Variants in SYTL5 observed in about 807,000 individuals in gnomAD.
The protein encoded by SYTL5 is synaptotagmin like 5.
In SYTL5, 34 loss-of-function variants were observed where a neutral mutation model predicts 55.9. The ratio of observed to expected loss-of-function variants is 0.61; its 90% CI spans 0.46 to 0.81. The LOEUF (loss-of-function observed/expected upper bound fraction) is 0.81. Ranked by LOEUF, SYTL5 falls within the 30% of genes least tolerant of loss-of-function variation. SYTL5 has a pLI of 0.00. For synonymous variants in SYTL5, 221 were observed against 188.7 expected (o/e 1.17, Z -1.40); for missense variants, 637 against 546.7 (o/e 1.17, Z -1.65).
the SYTL5 span, among the ~76,000 whole-genome samples, chrX:37,992,677 G>A: frequency 8.9e-6 from 1 of 112,477 alleles, no homozygotes; most frequent in Non-Finnish European, 1.9e-5. Flanking sequence ...GCTTCCCCAA[G>A]GTGCAGTGGT....
the SYTL5 span, among the ~76,000 whole-genome samples, chrX:37,972,436 C>T: frequency 1.8e-5 from 2 of 111,336 alleles, no homozygotes; most frequent in African/African-American, 6.5e-5. Flanking sequence ...TCACCAGTTC[C>T]ACTGGAGGAG....
At chrX:38,011,283 T>C (rs768576150) in intron 1 of SYTL5, among the ~76,000 whole-genome samples, 6 of 112,421 alleles carry the variant, frequency 5.3e-5, no homozygotes, top group Non-Finnish European at 1.1e-4. Context: ...TTATTCTGTA[T>C]TTGAGCATCA....
chrX:38,091,772 C>T (rs909603345), intron 7 of SYTL5, among the ~76,000 whole-genome samples: 4 of 111,846 alleles, frequency 3.6e-5, no homozygotes, highest in Admixed American at 9.5e-5. Flanking sequence ...TATCTTTCTA[C>T]GTACAATTTG....
chrX:38,043,311 C>T (rs1935339968), intron 2 of SYTL5, among the ~76,000 whole-genome samples: 1 of 109,491 alleles, frequency 9.1e-6, no homozygotes, highest in South Asian at 3.9e-4. Context: ...TAAAGTCTCA[C>T]ATAGAATTCC....
chrX:38,119,546 G>A (rs1440573651), intron 13 of SYTL5, among the ~76,000 whole-genome samples: 9 of 111,967 alleles, frequency 8.0e-5, no homozygotes, highest in Non-Finnish European at 1.3e-4. Flanking sequence ...GTATTCCATC[G>A]TATGAATGTA....
intron 1 of SYTL5, among the ~76,000 whole-genome samples, chrX:38,022,252 TAC>T (rs1158016385): frequency 1.5e-4 from 17 of 112,464 alleles, no homozygotes; most frequent in Non-Finnish European, 2.8e-4. Flanking sequence ...TCCCAACTGA[TAC>T]AGTGTTACTG....
intron 3 of SYTL5, among the ~76,000 whole-genome samples, chrX:38,064,199 T>C (rs979078310): frequency 7.2e-5 from 8 of 111,229 alleles, no homozygotes; most frequent in African/African-American, 2.3e-4. Context: ...AGATTGTGCA[T>C]CTGGGAATGA....
chrX:37,896,716 C>G, the SYTL5 span, among the ~76,000 whole-genome samples: 1 of 111,932 alleles, frequency 8.9e-6, no homozygotes, highest in Admixed American at 9.5e-5. Flanking sequence ...ATCTTGTCAC[C>G]AGCTGACCTC....
At chrX:38,063,396 A>G (rs187389058) in intron 3 of SYTL5, among the ~76,000 whole-genome samples, 23 of 111,963 alleles carry the variant, frequency 2.1e-4, no homozygotes, top group African/African-American at 7.4e-4. Flanking sequence ...TGAGGTGTTC[A>G]CTATGAGTAT....
intron 13 of SYTL5, among the ~76,000 whole-genome samples, chrX:38,116,383 T>C (rs1317352077): frequency 1.8e-5 from 2 of 112,460 alleles, no homozygotes; most frequent in East Asian, 2.8e-4. Context: ...ACCAAATAAA[T>C]GTACGTTCAT....
the SYTL5 span, among the ~76,000 whole-genome samples, chrX:37,975,536 T>G: frequency 4.5e-5 from 5 of 111,995 alleles, no homozygotes; most frequent in Middle Eastern, 4.6e-3. Flanking sequence ...ACATGTATAT[T>G]GGTTGCCATG....
upstream of SYTL5, among the ~76,000 whole-genome samples, chrX:38,004,994 A>G (rs1310734925): frequency 9.0e-6 from 1 of 111,547 alleles, no homozygotes; most frequent in Non-Finnish European, 1.9e-5. Flanking sequence ...CCCTGATGTG[A>G]TCTTTATATA....
chrX:38,117,516 T>C (rs1398169601), intron 13 of SYTL5, among the ~76,000 whole-genome samples: 2 of 112,237 alleles, frequency 1.8e-5, no homozygotes, highest in Non-Finnish European at 3.8e-5. Context: ...GGTTAACTAT[T>C]GCTGTATGCC....
chrX:37,988,054 G>T, the SYTL5 span, among the ~76,000 whole-genome samples: 1 of 112,058 alleles, frequency 8.9e-6, no homozygotes, highest in Non-Finnish European at 1.9e-5. Context: ...TATGGAAAAA[G>T]AGAATTCACA....
the SYTL5 span, among the ~76,000 whole-genome samples, chrX:37,940,443 T>C: frequency 2.0e-5 from 2 of 100,436 alleles, no homozygotes; most frequent in African/African-American, 3.7e-5. Flanking sequence ...ATCGCGCCAC[T>C]GCACTCCAGC....
At chrX:37,917,137 C>T in the SYTL5 span, among the ~76,000 whole-genome samples, 4 of 111,212 alleles carry the variant, frequency 3.6e-5, no homozygotes, top group African/African-American at 1.3e-4. Flanking sequence ...ATACTATCAA[C>T]ATAACTTATC....
At chrX:38,016,487 T>C (rs1244934427) in intron 1 of SYTL5, among the ~76,000 whole-genome samples, 1 of 111,846 alleles carries the variant, frequency 8.9e-6, no homozygotes, top group Non-Finnish European at 1.9e-5. Flanking sequence ...ACTCCTCCTC[T>C]AGAGGAGAAA....
At chrX:37,934,878 C>G in the SYTL5 span, among the ~76,000 whole-genome samples, 3 of 111,553 alleles carry the variant, frequency 2.7e-5, no homozygotes, top group African/African-American at 9.8e-5. Flanking sequence ...AAGTGATCAG[C>G]CTGCCTTGGC....
chrX:38,014,596 A>G (rs1008398265), intron 1 of SYTL5, among the ~76,000 whole-genome samples: 3 of 111,784 alleles, frequency 2.7e-5, no homozygotes, highest in African/African-American at 6.5e-5. Context: ...GGTTTTATAC[A>G]TTTTAGGGAG....
Sources: gnomAD v4.1 joint callset for allele counts (sites outside exome capture counted in the v4.1 genomes callset) on GRCh38, gnomAD v4.1.1 for gene constraint, MANE v1.5 for transcripts, NCBI Gene and HGNC (gene_info 2026-07-23, HGNC 2026-07-21) for gene names.